The following RC3H2 variants were observed in gnomAD, a reference collection of about 807,000 sequenced individuals.
RC3H2 encodes the protein ring finger and CCCH-type domains 2, also known as roquin-2.
RC3H2 carries 31 observed loss-of-function variants against 133.3 expected under a neutral mutation model. That is an observed-to-expected ratio of 0.23 (90% CI 0.17 to 0.31). The LOEUF (loss-of-function observed/expected upper bound fraction) is 0.31. Among genes scored for constraint, RC3H2 ranks in the 10% least tolerant of loss-of-function variants. RC3H2 has a pLI of 1.00. For synonymous variants in RC3H2, 517 were observed against 502.2 expected, an observed-to-expected ratio of 1.03 and a Z score of -0.40; for missense variants, 1,175 against 1,437.2, an observed-to-expected ratio of 0.82 and a Z score of 2.95.
chr9:122,861,468 C>T (rs547133550), intron 10 of RC3H2, among the ~76,000 whole-genome samples: 2 of 119,908 alleles, frequency 1.7e-5, no homozygotes, highest in East Asian at 2.5e-4. Context: ...CCAGCCCAGG[C>T]AACAAGAGCG....
intron 4 of RC3H2, among the ~76,000 whole-genome samples, chr9:122,887,741 CTTTTTTTT>C (rs112010654): frequency 8.5e-6 from 1 of 118,056 alleles, no homozygotes; most frequent in Non-Finnish European, 1.7e-5. Flanking sequence ...ATACTTGTAT[CTTTTTTTT>C]TTTTTTTTTT....
chr9:122,871,841 A>T (rs1295912316), intron 9 of RC3H2, among the ~76,000 whole-genome samples: 1 of 152,070 alleles, frequency 6.6e-6, no homozygotes, highest in Non-Finnish European at 1.5e-5. Context: ...TCTTTAGCAC[A>T]CAATACACTG....
In RC3H2 at chr9:122,851,365, T is replaced by G; in HGVS notation, c.3189A>C (p.Ala1063=). 2 of 1,614,238 alleles carry G rather than the reference T, an allele frequency of 1.2e-6. No individual in the cohort carries two copies. Among genetic ancestry groups the G allele is most frequent in the Non-Finnish European group, 1.7e-6 (2 of 1,180,034 alleles). ...GTCCATCAGGTTCATCAGTATCAAG[T>G]GCTGAAAGCTCTAACTCGATATCCC... ...PDRDIELELS[A]LDTDEPDGQS... Residue 1063 remains alanine, a synonymous_variant, in exon 19 of 21, where the codon GCA becomes GCC. Coordinates refer to ENST00000357244, the MANE Select transcript of RC3H2 (RefSeq NM_001100588.3).
At chr9:122,893,742 TG>T (rs910371283) in intron 2 of RC3H2, among the ~76,000 whole-genome samples, 3 of 152,274 alleles carry the variant, frequency 2.0e-5, no homozygotes, top group East Asian at 1.9e-4. Context: ...AAGACACAGT[TG>T]TTTTTTTTTC....
At chr9:122,855,677 A>G (rs1213482528) in intron 14 of RC3H2, 55 bp downstream of exon 14, 1 of 1,550,022 alleles carries the variant, frequency 6.5e-7, no homozygotes, top group East Asian at 2.3e-5. Context: ...CTACAACATG[A>G]GTGAACATGC....
intron 11 of RC3H2, 72 bp from the exon 12 acceptor site, chr9:122,859,174 AAGGC>A: frequency 8.0e-7 from 1 of 1,248,902 alleles, no homozygotes. Flanking sequence ...GCTTAAATCT[AAGGC>A]AGCCCTTAAT....
At chr9:122,852,071 C>G (rs1830046715) in intron 18 of RC3H2, among the ~76,000 whole-genome samples, 1 of 151,686 alleles carries the variant, frequency 6.6e-6, no homozygotes, top group Admixed American at 6.6e-5. Context: ...TTCCCGGCCG[C>G]CATCACATCT....
chr9:122,866,218 C>A (rs1830646705), intron 9 of RC3H2, among the ~76,000 whole-genome samples: 1 of 151,954 alleles, frequency 6.6e-6, no homozygotes, highest in Non-Finnish European at 1.5e-5. Context: ...ATAGTTTATA[C>A]CTAAAGTTAA....
intron 15 of RC3H2, 70 bp downstream of exon 15, chr9:122,855,114 A>G (rs1830191870): frequency 2.6e-6 from 3 of 1,139,826 alleles, no homozygotes; most frequent in Non-Finnish European, 3.7e-6. Flanking sequence ...CTCTGTCTCA[A>G]TTAAAAAAAA....
rs10608695 is a variant in RC3H2, at chr9:122,859,252, C to CTTTT, written c.1850-154_1850-151dup. On this transcript the variant is annotated intron_variant, in intron 11 of 20. Transcript: ENST00000357244. The stretch of plus-strand genomic sequence containing the variant: ...TGCTTTATAAAGCTTTATACCCTGG[C>CTTTT]TTTTTTTTTTTTTTTTTTTTTTGGT... The CTTTT allele has an allele frequency of 1.7e-3, 315 of 190,744 alleles. 17 individuals carry two copies. Among genetic ancestry groups the CTTTT allele is most frequent in the Non-Finnish European group, 1.8e-3 (225 of 126,354 alleles). 11.8% of individuals were successfully genotyped at this position (190,744 alleles called of 1,614,324 possible).
Position 122,865,546 on chromosome 9 carries a change from G to A in RC3H2, c.1437C>T (p.Val479=). 6.2e-7 allele frequency: 1 copy of A among 1,614,112 alleles called. No homozygotes were observed. Among genetic ancestry groups the A allele is most frequent in the Non-Finnish European group, 8.5e-7 (1 of 1,180,012 alleles). The change falls in exon 10 of 21, where the codon GTC becomes GTT. Residue 479 remains valine (V), a synonymous_variant. Transcript: ENST00000357244. Reference sequence around the variant, plus strand: ...TCCCTGTTGTTTCAGTACTTCCTATGACAGAAATGACATTTCCGGCTGTGG... The same window carrying A: ...TCCCTGTTGTTTCAGTACTTCCTATAACAGAAATGACATTTCCGGCTGTGG... ...VTTTAGNVIS[V]IGSTETTGKI...
intron 4 of RC3H2, among the ~76,000 whole-genome samples, chr9:122,885,345 C>G (rs1004455704): frequency 3.3e-5 from 5 of 152,136 alleles, no homozygotes; most frequent in Non-Finnish European, 5.9e-5. Flanking sequence ...TACAACTTTT[C>G]AGTAAATACG....
At chr9:122,868,186 C>T (rs1008849568) in intron 9 of RC3H2, among the ~76,000 whole-genome samples, 19 of 151,906 alleles carry the variant, frequency 1.3e-4, no homozygotes, top group Non-Finnish European at 2.2e-4. Context: ...GCCCGGCCGC[C>T]CCTACTGGGA....
intron 20 of RC3H2, among the ~76,000 whole-genome samples, chr9:122,850,873 T>C (rs1298721710): frequency 6.6e-6 from 1 of 152,206 alleles, no homozygotes; most frequent in Non-Finnish European, 1.5e-5. Context: ...ATTAACTTTA[T>C]CTCAACAAAA....
intron 9 of RC3H2, chr9:122,875,440 A>G (rs1023811640): frequency 1.4e-6 from 2 of 1,449,920 alleles, no homozygotes; most frequent in African/African-American, 2.9e-5. Flanking sequence ...TTTATAAATA[A>G]AGTTTACAGC....
At chr9:122,901,430 G>A (rs1415109551) in intron 1 of RC3H2, among the ~76,000 whole-genome samples, 1 of 152,054 alleles carries the variant, frequency 6.6e-6, no homozygotes, top group Non-Finnish European at 1.5e-5. Context: ...ACTCAGTACT[G>A]GAGAAAAAGG....
intron 18 of RC3H2, 69 bp downstream of exon 18, chr9:122,853,883 G>A: frequency 3.7e-6 from 6 of 1,614,072 alleles, no homozygotes; most frequent in South Asian, 1.1e-5. Context: ...CTCAGTAATG[G>A]TATAACCAAG....
rs893609890 is a variant in RC3H2 at position 122,846,710 on chromosome 9, C to A, written c.*2917G>T. ...GTTACCCACATTACACATTTCCTCT[C>A]TTGTTGCTTTGTATCCTTTGATTCC... On this transcript the variant is annotated 3_prime_UTR_variant, in exon 21 of 21. Transcript: ENST00000357244. The A allele has an allele frequency of 6.6e-6, 1 of 152,188 alleles. No individual in the cohort carries two copies. The highest frequency in any genetic ancestry group is 6.5e-5 in the Admixed American group (1 of 15,284). 9.4% of individuals were successfully genotyped at this position (152,188 alleles called of 1,614,324 possible). A position where few individuals can be genotyped will look rare whatever the true frequency, so the allele number is the denominator to read the frequency against.
chr9:122,848,154 G>A lies in RC3H2; in HGVS notation c.*1473C>T, dbSNP rs1829907571. 1 of 152,076 alleles carries A rather than the reference G, an allele frequency of 6.6e-6. No homozygotes were observed. Among genetic ancestry groups the A allele is most frequent in the South Asian group, 2.1e-4 (1 of 4,824 alleles). 9.4% of individuals were successfully genotyped at this position (152,076 alleles called of 1,614,324 possible). On this transcript the variant is annotated 3_prime_UTR_variant, in exon 21 of 21. Coordinates refer to ENST00000357244, the MANE Select transcript of RC3H2 (RefSeq NM_001100588.3). Reference sequence around the variant, plus strand: ...TTTAAGCATCTTGCTAGCAGGAAAAGCCCTTACATACAGTACACCTGGTGA... The same window carrying A: ...TTTAAGCATCTTGCTAGCAGGAAAAACCCTTACATACAGTACACCTGGTGA...
Sources: allele counts gnomAD v4.1 joint callset (sites outside exome capture counted in the v4.1 genomes callset), GRCh38; gene constraint gnomAD v4.1.1; transcripts MANE v1.5; gene names NCBI Gene and HGNC (gene_info 2026-07-23, HGNC 2026-07-21).